Variants in MED23 observed in about 807,000 individuals in gnomAD.
The protein encoded by MED23 is mediator of RNA polymerase II transcription subunit 23.
Under a neutral mutation model 163.9 loss-of-function variants are expected in MED23, and 105 were observed. The ratio of observed to expected loss-of-function variants is 0.64; its 90% CI spans 0.55 to 0.75. The LOEUF (loss-of-function observed/expected upper bound fraction) is 0.75. MED23 is among the 30% of genes least tolerant of loss of function. The pLI, the probability that MED23 is intolerant of heterozygous loss-of-function variation, is 0.00. For synonymous variants in MED23, 561 were observed against 565.6 expected, an observed-to-expected ratio of 0.99 and a Z score of 0.12; for missense variants, 1,054 against 1,649.0, an observed-to-expected ratio of 0.64 and a Z score of 6.25.
intron 30 of MED23, chr6:131,581,282 G>A: frequency 6.2e-7 from 1 of 1,613,852 alleles, no homozygotes; most frequent in African/African-American, 1.3e-5. Flanking sequence ...TCATCTGGGT[G>A]GATGCTCACA....
chr6:131,583,743 GCTACT>G (rs1562361751), downstream of MED23: 11 of 1,613,640 alleles, frequency 6.8e-6, no homozygotes, highest in Non-Finnish European at 9.3e-6. Flanking sequence ...TTGTTGTAGG[GCTACT>G]CTCAGGATTA....
At chr6:131,586,115 G>A (rs1201921955), downstream of MED23, among the ~76,000 whole-genome samples, 1 of 152,216 alleles carries the variant, frequency 6.6e-6, no homozygotes, top group Non-Finnish European at 1.5e-5. Flanking sequence ...GTCTGCAGGG[G>A]CCGGGCACAG....
At chr6:131,582,835 C>CCA, downstream of MED23, 5 of 848,468 alleles carry the variant, frequency 5.9e-6, no homozygotes, top group South Asian at 1.4e-5. Flanking sequence ...ACACACATGC[C>CCA]CACACACATA....
intron 25 of MED23, 162 bp from the exon 26 acceptor site, chr6:131,591,689 C>T (rs1302289787): frequency 3.1e-6 from 2 of 650,472 alleles, no homozygotes; most frequent in Non-Finnish European, 2.7e-6. Context: ...AAGTCAGTAA[C>T]AACCTGGGAG....
chr6:131,616,086 C>G, intron 9 of MED23, 84 bp from the exon 10 acceptor site: 1 of 1,109,384 alleles, frequency 9.0e-7, no homozygotes, highest in South Asian at 1.3e-5. Flanking sequence ...AAAAAATCCT[C>G]TAAAGGCACT....
chr6:131,574,397 C>T, intron 30 of MED23: 2 of 1,336,128 alleles, frequency 1.5e-6, no homozygotes, highest in Non-Finnish European at 2.2e-6. Flanking sequence ...CCAAAAGTCT[C>T]TCCCAAACAC....
intron 10 of MED23, 48 bp downstream of exon 10, chr6:131,615,859 G>C (rs772020976): frequency 1.5e-6 from 2 of 1,344,168 alleles, no homozygotes. Flanking sequence ...GAAAAGAATA[G>C]TGCAGATTCT....
intron 14 of MED23, 146 bp from the exon 15 acceptor site, chr6:131,604,466 G>A (rs1775710664): frequency 3.1e-6 from 3 of 957,378 alleles, no homozygotes; most frequent in Non-Finnish European, 4.7e-6. Flanking sequence ...AGCTGTGCAG[G>A]ACACTTGGTA....
chr6:131,589,131 CACA>C (rs1774396986), intron 28 of MED23, among the ~76,000 whole-genome samples: 1 of 152,130 alleles, frequency 6.6e-6, no homozygotes, highest in African/African-American at 2.4e-5. Flanking sequence ...TTACTCATAA[CACA>C]ACAACCTCTC....
At chr6:131,587,982 T>C in intron 28 of MED23, 136 bp from the exon 29 acceptor site, 2 of 733,386 alleles carry the variant, frequency 2.7e-6, no homozygotes, top group East Asian at 2.8e-5. Flanking sequence ...TCTTAACATG[T>C]TCTGTGTTTT....
chr6:131,584,675 G>GC (rs59741851), downstream of MED23, among the ~76,000 whole-genome samples: 71,904 of 151,892 alleles, frequency 0.47, 19,136 homozygotes, highest in African/African-American at 0.72. Context: ...TATTCAAGTA[G>GC]CTTTTGGGAG....
chr6:131,628,041 C>T lies in MED23; in HGVS notation c.9G>A (p.Thr3=), dbSNP rs369413359. Residue 3 remains threonine, a synonymous_variant, in exon 1 of 29, where the codon ACG becomes ACA. Transcript: ENST00000368068. The part of the protein sequence containing the change: ME[T]QLQSIFEEVV... ...CCTCTTCGAAAATGCTCTGCAGTTG[C>T]GTCTCCATCTGTACTATCACCCCCG... 1.2e-5 allele frequency: 19 copies of T among 1,613,908 alleles called. No individual in the cohort carries two copies. The highest frequency in any genetic ancestry group is 1.7e-5 in the Admixed American group (1 of 60,006).
chr6:131,624,806 A>G, intron 4 of MED23, 59 bp downstream of exon 4: 1 of 1,594,664 alleles, frequency 6.3e-7, no homozygotes, highest in Admixed American at 1.7e-5. Flanking sequence ...ACCTCAACCA[A>G]TTTCCAATCA....
intron 10 of MED23, among the ~76,000 whole-genome samples, chr6:131,613,904 A>G (rs1225990609): frequency 6.6e-6 from 1 of 152,156 alleles, no homozygotes; most frequent in Non-Finnish European, 1.5e-5. Flanking sequence ...AAAGCTTAGG[A>G]TAGCTAAGGA....
chr6:131,612,736 T>A (rs1384488830), intron 10 of MED23, among the ~76,000 whole-genome samples: 1 of 152,144 alleles, frequency 6.6e-6, no homozygotes, highest in Non-Finnish European at 1.5e-5. Flanking sequence ...ATTTTCAGCT[T>A]TGATAAAAGC....
chr6:131,625,068 T>C (rs1777386099), intron 3 of MED23, 79 bp from the exon 4 acceptor site: 2 of 1,432,076 alleles, frequency 1.4e-6, no homozygotes, highest in African/African-American at 2.8e-5. Context: ...CAACTGGAAG[T>C]ATACCAATAC....
downstream of MED23, among the ~76,000 whole-genome samples, chr6:131,585,520 C>G (rs1459046945): frequency 6.6e-6 from 1 of 152,128 alleles, no homozygotes; most frequent in Non-Finnish European, 1.5e-5. Flanking sequence ...GATATATTCT[C>G]TAATACAGTA....
Position 131,596,086 on chromosome 6 carries a change from C to T in MED23, c.2856G>A (p.Leu952=). ...DPPVQIQSPY[L]PIYFGNVCLR... ...GACACACATTCCCAAAATAGATGGG[C>T]AGATAGGGAGACTGGATCTGTACAG... The change falls in exon 22 of 29, where the codon CTG becomes CTA. Residue 952 remains leucine (L), a synonymous_variant. Transcript: ENST00000368068. 1 of 1,614,086 alleles carries T rather than the reference C, an allele frequency of 6.2e-7. No individual in the cohort carries two copies. The highest frequency in any genetic ancestry group is 1.1e-5 in the South Asian group (1 of 91,072).
At position 131,618,442 on chromosome 6, in the gene MED23, G is replaced by A. The variant is rs780899812; in HGVS notation, c.745C>T (p.Arg249Cys). The change falls in exon 9 of 29, where the codon CGT becomes TGT. Residue 249 changes from arginine to cysteine, a missense_variant. By Grantham distance (180) the Arg-to-Cys change is radical. This residue lies in a region of MED23 where 54 missense variants were observed against 79.7 expected (regional missense o/e 0.68). Transcript: ENST00000368068. ...GGCAAAAGGCCTTTCAAAGGAAAAC[G>A]AAGAGTAGCAGGATCCAGTTTCCAT... ...NSWKLDPATL[R>C]FPLKGLLPYD... The A allele has an allele frequency of 1.0e-4, 163 of 1,613,846 alleles. 1 individual carries two copies. The East Asian group carries it at 3.5e-3, about 34-fold the overall frequency.
Sources: gnomAD v4.1 joint callset for allele counts (sites outside exome capture counted in the v4.1 genomes callset) on GRCh38, gnomAD v4.1.1 for gene constraint, gnomAD v4.1.1 regional missense constraint, MANE v1.5 for transcripts, NCBI Gene and HGNC (gene_info 2026-07-23, HGNC 2026-07-21) for gene names.